FAM13B: variants seen among roughly 807,000 people sequenced by gnomAD.
The protein encoded by FAM13B is protein FAM13B.
In FAM13B, 60 loss-of-function variants were observed where a neutral mutation model predicts 117.3. The ratio of observed to expected loss-of-function variants is 0.51; its 90% CI spans 0.42 to 0.63. FAM13B has a LOEUF of 0.63. Among genes scored for constraint, FAM13B ranks in the 30% least tolerant of loss-of-function variants. FAM13B has a pLI of 0.00. For synonymous variants in FAM13B, 332 were observed against 356.1 expected, an observed-to-expected ratio of 0.93 and a Z score of 0.76; for missense variants, 972 against 1,091.9, an observed-to-expected ratio of 0.89 and a Z score of 1.55.
intron 9 of FAM13B, among the ~76,000 whole-genome samples, chr5:137,986,438 A>G (rs1258913885): frequency 8.1e-6 from 1 of 123,650 alleles, no homozygotes; most frequent in Non-Finnish European, 1.7e-5. Flanking sequence ...CCCCCCCCAA[A>G]AAAAATTGAT....
chr5:137,987,425 A>C (rs761407325), intron 9 of FAM13B, 36 bp downstream of exon 9: 8 of 1,537,554 alleles, frequency 5.2e-6, no homozygotes, highest in Admixed American at 1.9e-5. Context: ...AAACAATTTT[A>C]TAACATTTAA....
intron 7 of FAM13B, among the ~76,000 whole-genome samples, chr5:138,006,189 G>A (rs573974205): frequency 8.5e-5 from 13 of 152,206 alleles, no homozygotes; most frequent in South Asian, 2.1e-4. Flanking sequence ...CAGCCACCGC[G>A]CCCGGCCTAT....
At chr5:137,966,754 T>C (rs1770091567) in intron 10 of FAM13B, among the ~76,000 whole-genome samples, 1 of 152,104 alleles carries the variant, frequency 6.6e-6, no homozygotes, top group African/African-American at 2.4e-5. Flanking sequence ...GGCAAGAATG[T>C]GGCACTGTCA....
chr5:137,985,791 G>A (rs1777056788), intron 9 of FAM13B, among the ~76,000 whole-genome samples: 1 of 152,178 alleles, frequency 6.6e-6, no homozygotes, highest in South Asian at 2.1e-4. Context: ...GCTTCCTACT[G>A]CAGAGTTGTC....
chr5:138,008,387 AG>A (rs1783073654), intron 6 of FAM13B, among the ~76,000 whole-genome samples: 1 of 152,182 alleles, frequency 6.6e-6, no homozygotes, highest in African/African-American at 2.4e-5. Flanking sequence ...GGCTGCAGAG[AG>A]ACGCGATTGT....
In FAM13B at chr5:138,023,235, A is replaced by G. The variant is rs143451365; in HGVS notation, c.-202-2038T>C. On this transcript the variant is annotated intron_variant, in intron 1 of 23. Transcript: ENST00000689681. ...TCATCAGTAAAAATTTACCCTTGAT[A>G]CTAGGAAAACAATCGGAGGCATCAA... Among the ~76,000 whole-genome samples the G allele has an allele frequency of 1.2e-3, 188 of 152,344 alleles. 4 individuals carry two copies. The highest frequency in any genetic ancestry group is 0.01 in the Middle Eastern group (3 of 294).
intron 4 of FAM13B, among the ~76,000 whole-genome samples, chr5:138,012,985 C>T (rs565381147): frequency 1.6e-4 from 25 of 151,776 alleles, no homozygotes; most frequent in Non-Finnish European, 3.5e-4. Flanking sequence ...AGGCGCATCA[C>T]CTGAGCTCAG....
intron 23 of FAM13B, 30 bp downstream of exon 23, chr5:137,941,914 G>A: frequency 6.5e-7 from 1 of 1,543,214 alleles, no homozygotes; most frequent in Non-Finnish European, 8.9e-7. Context: ...AGAGAAGAAA[G>A]ATGACTCAAT....
chr5:138,035,372 C>G (rs1025807343), upstream of FAM13B, among the ~76,000 whole-genome samples: 2 of 151,972 alleles, frequency 1.3e-5, no homozygotes, highest in Non-Finnish European at 2.9e-5. Flanking sequence ...ATGAATTGAT[C>G]AATGACCATT....
chr5:137,993,146 A>T (rs922299026), intron 7 of FAM13B, among the ~76,000 whole-genome samples: 2 of 152,200 alleles, frequency 1.3e-5, no homozygotes, highest in African/African-American at 4.8e-5. Context: ...TAAAACATAC[A>T]AGGAAGTGAT....
At chr5:138,043,231 G>T (rs1791548336) in intron 1 of FAM13B, among the ~76,000 whole-genome samples, 1 of 151,880 alleles carries the variant, frequency 6.6e-6, no homozygotes, top group Non-Finnish European at 1.5e-5. Flanking sequence ...AGCCAGGCAT[G>T]GTAACACACT....
At chr5:137,974,130 A>G (rs1192952139) in intron 10 of FAM13B, among the ~76,000 whole-genome samples, 1 of 150,502 alleles carries the variant, frequency 6.6e-6, no homozygotes, top group African/African-American at 2.4e-5. Flanking sequence ...ACTATAAATC[A>G]TGCTGCTATA....
At chr5:138,032,376 T>C (rs1485322145) in intron 1 of FAM13B, among the ~76,000 whole-genome samples, 1 of 152,184 alleles carries the variant, frequency 6.6e-6, no homozygotes, top group Non-Finnish European at 1.5e-5. Context: ...CACTCCTTTT[T>C]CTTCTACATC....
chr5:137,985,375 T>A lies in FAM13B; in HGVS notation c.1061A>T (p.Asp354Val), dbSNP rs139752546. 1.5e-5 allele frequency: 24 copies of A among 1,613,718 alleles called. No individual in the cohort carries two copies. In the East Asian group the frequency reaches 4.7e-4, roughly 31 times the overall value. ...ACTTTCACTGGCATTAATAATATCATCAGCAATATCAATCCTAGGGATGAA... is the reference window on the plus strand; with the variant it reads ...ACTTTCACTGGCATTAATAATATCAACAGCAATATCAATCCTAGGGATGAA... ...EGSNNQIDIA[D>V]DIINASESNR... Residue 354 changes from aspartate (D) to valine (V), a missense_variant, in exon 10 of 24, where the codon GAT (aspartate) becomes GTT (valine). Transcript: ENST00000689681.
intron 7 of FAM13B, among the ~76,000 whole-genome samples, chr5:138,004,123 G>A (rs1781942868): frequency 6.6e-6 from 1 of 152,020 alleles, no homozygotes; most frequent in Non-Finnish European, 1.5e-5. Flanking sequence ...ACAAAAATTA[G>A]CCAGCCACGG....
intron 10 of FAM13B, among the ~76,000 whole-genome samples, chr5:137,967,304 T>G (rs905701791): frequency 6.6e-6 from 1 of 152,038 alleles, no homozygotes; most frequent in South Asian, 2.1e-4. Flanking sequence ...GGTGGGTGGA[T>G]CACAAGGTCA....
chr5:137,973,247 G>C (rs1772849641), intron 10 of FAM13B, among the ~76,000 whole-genome samples: 2 of 152,126 alleles, frequency 1.3e-5, no homozygotes, highest in South Asian at 4.1e-4. Flanking sequence ...CATGGTACTG[G>C]TACCAAAACA....
intron 10 of FAM13B, among the ~76,000 whole-genome samples, chr5:137,969,349 G>C (rs185926595): frequency 9.2e-5 from 14 of 152,338 alleles, no homozygotes; most frequent in Admixed American, 2.0e-4. Flanking sequence ...AGCAGGGGCA[G>C]ACTGACACCT....
intron 10 of FAM13B, among the ~76,000 whole-genome samples, chr5:137,969,875 A>G (rs1379622396): frequency 6.6e-6 from 1 of 152,208 alleles, no homozygotes; most frequent in African/African-American, 2.4e-5. Flanking sequence ...GGAAGATCAA[A>G]TGAATGAAAT....
Sources: gnomAD v4.1 joint callset for allele counts (sites outside exome capture counted in the v4.1 genomes callset) on GRCh38, gnomAD v4.1.1 for gene constraint, MANE v1.5 for transcripts, NCBI Gene and HGNC (gene_info 2026-07-23, HGNC 2026-07-21) for gene names.